CYP27B1: variants seen among roughly 807,000 people sequenced by gnomAD.
CYP27B1 encodes cytochrome P450 family 27 subfamily B member 1.
A neutral mutation model predicts 54.8 loss-of-function variants in CYP27B1; 46 were observed. The ratio of observed to expected loss-of-function variants is 0.84; its 90% CI spans 0.66 to 1.07. The LOEUF (loss-of-function observed/expected upper bound fraction) is 1.07. Ranked by LOEUF, CYP27B1 falls within the 50% of genes least tolerant of loss-of-function variation. The pLI, the probability that CYP27B1 is intolerant of heterozygous loss-of-function variation, is 0.00. For synonymous variants in CYP27B1, 292 were observed against 297.3 expected (o/e 0.98, Z 0.18); for missense variants, 674 against 692.2 (o/e 0.97, Z 0.30).
At chr12:57,764,011 G>T in intron 7 of CYP27B1, 87 bp downstream of exon 7, 1 of 1,218,430 alleles carries the variant, frequency 8.2e-7, no homozygotes, top group Non-Finnish European at 1.2e-6. Flanking sequence ...GTGTTTGAAG[G>T]GCTTTTAGGA....
intron 8 of CYP27B1, 67 bp from the exon 9 acceptor site, chr12:57,763,322 C>T: frequency 4.1e-6 from 5 of 1,229,036 alleles, no homozygotes; most frequent in East Asian, 2.4e-5. Context: ...ATTGGTAATC[C>T]AATTGGTAAA....
rs1268649839 is a variant in CYP27B1, at chr12:57,765,219, G to A, written c.590-8C>T. 6.2e-7 allele frequency: 1 copy of A among 1,611,794 alleles called. No individual in the cohort carries two copies. Among genetic ancestry groups the A allele is most frequent in the Admixed American group, 1.7e-5 (1 of 59,750 alleles). On this transcript the variant is annotated splice_region_variant and splice_polypyrimidine_tract_variant and intron_variant, in intron 3 of 8. Coordinates refer to ENST00000228606, the MANE Select transcript of CYP27B1 (RefSeq NM_000785.4). The surrounding 1 kb of genome is among the most constrained non-coding windows in gnomAD (Gnocchi z 5.8). ...GCAGAACCGCGGCGATGCCTTGTCG[G>A]GAGGGGGCGCCGTCAGGGTTCCGGG... is the stretch of plus-strand genomic sequence containing the variant.
Position 57,763,645 on chromosome 12 carries a change from AGGC to A in CYP27B1, c.1376_1378del (p.Arg459del), listed in dbSNP as rs1369131325. The stretch of plus-strand genomic sequence containing the variant: ...AGCCATTTGCAATTCAAGCTCTGCC[AGGC>A]GTCTCCCCATACAGCTGCGCTTGCC... On this transcript the variant is annotated inframe_deletion, in exon 8 of 9. Coordinates refer to ENST00000228606, the MANE Select transcript of CYP27B1 (RefSeq NM_000785.4). 6.2e-7 allele frequency: 1 copy of A among 1,613,922 alleles called. No individual in the cohort carries two copies. Among genetic ancestry groups the A allele is most frequent in the Non-Finnish European group, 8.5e-7 (1 of 1,180,000 alleles).
chr12:57,765,438 C>A lies in CYP27B1; in HGVS notation c.448G>T (p.Ala150Ser), dbSNP rs770873791. 6.2e-7 allele frequency: 1 copy of A among 1,612,854 alleles called. No individual in the cohort carries two copies. Among genetic ancestry groups the A allele is most frequent in the African/African-American group, 1.3e-5 (1 of 74,954 alleles). Residue 150 changes from alanine to serine, a missense_variant, in exon 3 of 9, where the codon GCG (alanine) becomes TCG (serine). Physicochemically the swap from Ala to Ser is moderately conservative, Grantham distance 99. Coordinates refer to ENST00000228606, the MANE Select transcript of CYP27B1 (RefSeq NM_000785.4). This position sits in a 1 kb window ranked among gnomAD's most constrained non-coding sequence, Gnocchi z 5.8. The stretch of plus-strand genomic sequence containing the variant: ...AGGGTTCCGGCGTAGCGGGCGGCCG[C>A]TTGAGGCCGGAGGAGGAGCGGGGCC... ...LLAPLLLRPQ[A>S]AARYAGTLNN...
In CYP27B1 at chr12:57,764,994, C is replaced by G; in HGVS notation, c.790+17G>C. ...CAGCTTTACATTCCCCCATTTCCAC[C>G]TCGACCTGTGCCTTACCAAATGCAA... On this transcript the variant is annotated intron_variant, in intron 4 of 8. Transcript: ENST00000228606. The G allele has an allele frequency of 1.9e-6, 3 of 1,613,948 alleles. No homozygotes were observed. The highest frequency in any genetic ancestry group is 2.5e-6 in the Non-Finnish European group (3 of 1,180,038).
At position 57,765,071 on chromosome 12, in the gene CYP27B1, G is replaced by T. The variant is rs1955347654; in HGVS notation, c.730C>A (p.His244Asn). The change falls in exon 4 of 9, where the codon CAC becomes AAC. Residue 244 changes from histidine to asparagine, a missense_variant. His to Asn is a moderately conservative substitution (Grantham distance 68, BLOSUM62 1). Transcript: ENST00000228606. This position sits in a 1 kb window ranked among gnomAD's most constrained non-coding sequence, Gnocchi z 5.8. Reference sequence around the variant, plus strand: ...CGGCCCCAGGGCCCAGGCACAAGGTGGCGCAGCCAGTGGGGCATCGCCATG... The same window carrying T: ...CGGCCCCAGGGCCCAGGCACAAGGTTGCGCAGCCAGTGGGGCATCGCCATG... The part of the protein sequence containing the change: ...LTMAMPHWLR[H>N]LVPGPWGRLC... The T allele has an allele frequency of 6.2e-7, 1 of 1,613,654 alleles. No homozygotes were observed. The highest frequency in any genetic ancestry group is 8.5e-7 in the Non-Finnish European group (1 of 1,180,042).
intron 8 of CYP27B1, 60 bp from the exon 9 acceptor site, chr12:57,763,315 G>A (rs963881052): frequency 3.9e-6 from 5 of 1,281,024 alleles, no homozygotes; most frequent in Non-Finnish European, 5.6e-6. Flanking sequence ...GGGATTCATT[G>A]GTAATCCAAT....
rs764038309 is a variant in CYP27B1, at chr12:57,765,120, C to T, written c.681G>A (p.Ser227=). 4 of 1,614,002 alleles carry T rather than the reference C, an allele frequency of 2.5e-6. No individual in the cohort carries two copies. Among genetic ancestry groups the T allele is most frequent in the South Asian group, 1.1e-5 (1 of 91,088 alleles). The change falls in exon 4 of 9, where the codon TCG becomes TCA. Residue 227 remains serine, a synonymous_variant. Transcript: ENST00000228606. The surrounding 1 kb of genome is among the most constrained non-coding windows in gnomAD (Gnocchi z 5.8). ...DTETFIRAVG[S]VFVSTLLTMA... Reference sequence around the variant, plus strand: ...TGGTCAACAGCGTGGACACAAACACCGAGCCCACAGCGCGGATGAAGGTCT... The same window carrying T: ...TGGTCAACAGCGTGGACACAAACACTGAGCCCACAGCGCGGATGAAGGTCT...
Position 57,764,437 on chromosome 12 carries a change from G to A in CYP27B1, c.1077C>T (p.Pro359=). ...AALSPGSSAY[P]SATVLSQLPL... is the part of the protein sequence containing the mutation. ...GCAGCTGGGACAGAACAGTGGCTGA[G>A]GGGTAGGCACTGGAGCCAGGGCTCA... The change falls in exon 6 of 9, where the codon CCC becomes CCT. Residue 359 remains proline, a synonymous_variant. Coordinates refer to ENST00000228606, the MANE Select transcript of CYP27B1 (RefSeq NM_000785.4). 7 of 1,614,228 alleles carry A rather than the reference G, an allele frequency of 4.3e-6. No homozygotes were observed. The highest frequency in any genetic ancestry group is 5.9e-6 in the Non-Finnish European group (7 of 1,180,040).
chr12:57,766,019 C>T lies in CYP27B1; in HGVS notation c.374G>A (p.Gly125Glu), dbSNP rs28934605. The T allele has an allele frequency of 1.3e-6, 2 of 1,572,128 alleles. No individual in the cohort carries two copies. The highest frequency in any genetic ancestry group is 2.3e-5 in the East Asian group (1 of 43,342). ...EHRRCRQRACGLLTAEGEEWQ... is the reference protein window; with the variant it reads ...EHRRCRQRACELLTAEGEEWQ... Reference sequence around the variant, plus strand: ...AGAGAAGACTCACGCAGTGAGCAGTCCGCAAGCCCGCTGGCGGCAGCGGCG... The same window carrying T: ...AGAGAAGACTCACGCAGTGAGCAGTTCGCAAGCCCGCTGGCGGCAGCGGCG... Residue 125 changes from glycine (G) to glutamate (E), a missense_variant, in exon 2 of 9, where the codon GGA becomes GAA. Coordinates refer to ENST00000228606, the MANE Select transcript of CYP27B1 (RefSeq NM_000785.4).
intron 8 of CYP27B1, 64 bp downstream of exon 8, chr12:57,763,547 C>T: frequency 1.4e-6 from 2 of 1,411,654 alleles, no homozygotes; most frequent in Non-Finnish European, 1.0e-6. Context: ...GGGGAAAGAG[C>T]TCACAACTTT....
rs770828560 is a variant in CYP27B1 at position 57,766,886 on chromosome 12, A to T, written c.156T>A (p.Leu52=). Residue 52 remains leucine (L), a synonymous_variant, in exon 1 of 9, where the codon CTT becomes CTA. Coordinates refer to ENST00000228606, the MANE Select transcript of CYP27B1 (RefSeq NM_000785.4). ...GPSTPSFLAE[L]FCKGGLSRLH... ...GCCTCGACAGCCCCCCCTTGCAGAA[A>T]AGTTCGGCCAGAAAGCTGGGCGTAG... The T allele has an allele frequency of 4.3e-6, 7 of 1,614,052 alleles. No individual in the cohort carries two copies. In the South Asian group the frequency reaches 7.7e-5, roughly 18 times the overall value.
At chr12:57,766,788 T>G in intron 1 of CYP27B1, 59 bp downstream of exon 1, 2 of 1,575,710 alleles carry the variant, frequency 1.3e-6, no homozygotes, top group Middle Eastern at 3.4e-4. Context: ...CAGTCCTTTC[T>G]GACGCTGTCA....
At position 57,766,992 on chromosome 12, in the gene CYP27B1, C is replaced by T; in HGVS notation, c.50G>A (p.Trp17Ter). ...TAGGGAGGCGCCCAACTCGGGCGCCCAGCGGACGCGATGGAACACTCTGGA... is the reference window on the plus strand; with the variant it reads ...TAGGGAGGCGCCCAACTCGGGCGCCTAGCGGACGCGATGGAACACTCTGGA... ...YASRVFHRVR[W>*]APELGASLGY... is the part of the protein sequence containing the mutation. The change falls in exon 1 of 9, where the codon TGG becomes TAG. Residue 17 changes from tryptophan to a stop codon, truncating the protein, a stop_gained. Transcript: ENST00000228606. LOFTEE classifies it high-confidence loss of function. 6.2e-7 allele frequency: 1 copy of T among 1,614,206 alleles called. No individual in the cohort carries two copies. The highest frequency in any genetic ancestry group is 8.5e-7 in the Non-Finnish European group (1 of 1,180,030).
chr12:57,763,083 A>C lies in CYP27B1; in HGVS notation c.*59T>G. On this transcript the variant is annotated 3_prime_UTR_variant, in exon 9 of 9. Coordinates refer to ENST00000228606, the MANE Select transcript of CYP27B1 (RefSeq NM_000785.4). ...ATGTATACCTTGGTCTTGTGCCTAC[A>C]AAAAATCTTATCCCTATGATGAATG... is the stretch of plus-strand genomic sequence containing the variant. The C allele has an allele frequency of 7.8e-7, 1 of 1,289,114 alleles. No individual in the cohort carries two copies. The allele number at this position is 1,289,114 out of a possible 1,614,324, so 79.9% of individuals were successfully genotyped here. A position where few individuals can be genotyped will look rare whatever the true frequency, so the allele number is the denominator to read the frequency against.
At position 57,766,781 on chromosome 12, in the gene CYP27B1, T is replaced by A. The variant is rs1170525309; in HGVS notation, c.195+66A>T. The A allele has an allele frequency of 1.2e-5, 19 of 1,547,752 alleles. No individual in the cohort carries two copies. The Admixed American group carries it at 3.2e-4, about 26-fold the overall frequency. On this transcript the variant is annotated intron_variant, in intron 1 of 8. Transcript: ENST00000228606. ...CCCACATTTGCTCTGCACTAGTCAG[T>A]CCTTTCTGACGCTGTCAAAACCAGT...
chr12:57,764,170 G>A lies in CYP27B1; in HGVS notation c.1143C>T (p.Tyr381=), dbSNP rs1425295516. Reference sequence around the variant, plus strand: ...CACGAGAATTTCCAGGTACCACAGGGTACAGTCTAGGTTGCAAAGCACAAA... The same window carrying A: ...CACGAGAATTTCCAGGTACCACAGGATACAGTCTAGGTTGCAAAGCACAAA... ...KAVVKEVLRL[Y]PVVPGNSRVP... Residue 381 remains tyrosine, a synonymous_variant, in exon 7 of 9, where the codon TAC becomes TAT. Transcript: ENST00000228606. 6.2e-7 allele frequency: 1 copy of A among 1,613,432 alleles called. No individual in the cohort carries two copies. Among genetic ancestry groups the A allele is most frequent in the Admixed American group, 1.7e-5 (1 of 60,034 alleles).
At position 57,765,202 on chromosome 12, in the gene CYP27B1, G is replaced by T. The variant is rs1350832541; in HGVS notation, c.599C>A (p.Ala200Glu). Reference protein sequence around the residue: ...FYKFGLEGIAAVLLGSRLGCL... With the variant: ...FYKFGLEGIAEVLLGSRLGCL... ...GCCCAAGCGCGAGCCGAGCAGAACCGCGGCGATGCCTTGTCGGGAGGGGGC... is the reference window on the plus strand; with the variant it reads ...GCCCAAGCGCGAGCCGAGCAGAACCTCGGCGATGCCTTGTCGGGAGGGGGC... Residue 200 changes from alanine (A) to glutamate (E), a missense_variant, in exon 4 of 9, where the codon GCG (alanine) becomes GAG (glutamate). Coordinates refer to ENST00000228606, the MANE Select transcript of CYP27B1 (RefSeq NM_000785.4). The surrounding 1 kb of genome is among the most constrained non-coding windows in gnomAD (Gnocchi z 5.8). 6.2e-7 allele frequency: 1 copy of T among 1,612,706 alleles called. No individual in the cohort carries two copies. The highest frequency in any genetic ancestry group is 1.3e-5 in the African/African-American group (1 of 75,058).
chr12:57,764,912 C>CCA lies in CYP27B1; in HGVS notation c.803_804dup (p.Glu269TrpfsTer10). 1 of 1,614,168 alleles carries CCA rather than the reference C, an allele frequency of 6.2e-7. No individual in the cohort carries two copies. Among genetic ancestry groups the CCA allele is most frequent in the East Asian group, 2.2e-5 (1 of 44,880 alleles). On this transcript the variant is annotated frameshift_variant, in exon 5 of 9. Transcript: ENST00000228606. LOFTEE classifies it high-confidence loss of function. ...ATGGCTGCCTCTGCCTCTCGCCGCT[C>CCA]CACGTGCCTCTGAGCTGCGTGGGTA... is the stretch of plus-strand genomic sequence containing the variant.
Sources: gnomAD v4.1 joint callset for allele counts on GRCh38, gnomAD v4.1.1 for gene constraint, Gnocchi (gnomAD v3.1) non-coding constraint, MANE v1.5 for transcripts, NCBI Gene and HGNC (gene_info 2026-07-23, HGNC 2026-07-21) for gene names.